ASB3: variants seen among roughly 807,000 people sequenced by gnomAD.
ASB3 encodes ankyrin repeat and SOCS box protein 3.
In ASB3, 41 loss-of-function variants were observed where a neutral mutation model predicts 54.5. The observed-to-expected ratio is 0.75, with a 90% CI of 0.59 to 0.98. The LOEUF is 0.98. Ranked by LOEUF, ASB3 falls within the 50% of genes least tolerant of loss-of-function variation. The pLI is 0.00. For missense variants in ASB3, 733 were observed against 620.0 expected (o/e 1.18, Z -1.94); for synonymous variants, 266 against 221.2 (o/e 1.20, Z -1.80).
chr2:53,729,324 G>T, intron 4 of ASB3, 134 bp downstream of exon 4: 1 of 764,992 alleles, frequency 1.3e-6, no homozygotes. Flanking sequence ...TTAGCATTTA[G>T]ACTGCCTTTT....
At chr2:53,735,636 GA>G (rs201636132) in intron 3 of ASB3, among the ~76,000 whole-genome samples, 1,630 of 140,674 alleles carry the variant, frequency 0.012, 29 homozygotes, top group African/African-American at 0.04. Flanking sequence ...TTAATAGTTG[GA>G]AAAAAAAAAA....
intron 8 of ASB3, among the ~76,000 whole-genome samples, chr2:53,697,407 T>G (rs1669243372): frequency 6.6e-6 from 1 of 152,206 alleles, no homozygotes; most frequent in South Asian, 2.1e-4. Context: ...AGCCATTCTT[T>G]TGTTCCCTTA....
intron 7 of ASB3, among the ~76,000 whole-genome samples, chr2:53,711,823 T>C (rs1670114768): frequency 6.6e-6 from 1 of 152,134 alleles, no homozygotes; most frequent in Non-Finnish European, 1.5e-5. Context: ...GTGGGTCACT[T>C]CACCAAGTTA....
At chr2:53,690,395 G>C (rs1205672288) in intron 9 of ASB3, among the ~76,000 whole-genome samples, 1 of 152,126 alleles carries the variant, frequency 6.6e-6, no homozygotes, top group African/African-American at 2.4e-5. Context: ...AGAAGTCTAG[G>C]TACCTGAACC....
intron 2 of ASB3, among the ~76,000 whole-genome samples, chr2:53,762,602 A>C (rs746615164): frequency 1.3e-5 from 2 of 152,220 alleles, no homozygotes; most frequent in Admixed American, 6.5e-5. Context: ...CTTAATAATT[A>C]TAAGATTTTT....
intron 7 of ASB3, among the ~76,000 whole-genome samples, chr2:53,701,230 C>G (rs1346036126): frequency 6.6e-6 from 1 of 152,070 alleles, no homozygotes. Flanking sequence ...CCGCTTTGGT[C>G]TCCCAAAAGG....
At chr2:53,730,994 A>T (rs932782202) in intron 3 of ASB3, among the ~76,000 whole-genome samples, 1 of 152,196 alleles carries the variant, frequency 6.6e-6, no homozygotes, top group South Asian at 2.1e-4. Context: ...ACAAGAAATG[A>T]TAAGCGTGCT....
At chr2:53,749,143 G>A (rs1156894317) in intron 3 of ASB3, among the ~76,000 whole-genome samples, 2 of 151,826 alleles carry the variant, frequency 1.3e-5, no homozygotes, top group Non-Finnish European at 2.9e-5. Context: ...AAAACAAAAC[G>A]TCTAAATACA....
At chr2:53,768,353 A>C (rs1159275764) in intron 1 of ASB3, 1 of 227,956 alleles carries the variant, frequency 4.4e-6, no homozygotes, top group Non-Finnish European at 8.5e-6. Flanking sequence ...AAAAAGTCCC[A>C]TTGGCGGGAA....
At position 53,778,957 on chromosome 2, in the gene ASB3, T is replaced by C. The variant is rs531565528; in HGVS notation, c.-14+7864A>G. On this transcript the variant is annotated intron_variant, in intron 1 of 9. Coordinates refer to ENST00000263634, the MANE Select transcript of ASB3 (RefSeq NM_016115.5). ...TTCTATTTTTAGTTTTTTGAGGAAC[T>C]GCCACTGTTTTCCATAACGGTTGTA... is the stretch of plus-strand genomic sequence containing the variant. Among the ~76,000 whole-genome samples, 6 of 152,352 alleles carry C rather than the reference T, an allele frequency of 3.9e-5. No homozygotes were observed. The East Asian group carries it at 1.2e-3, about 29-fold the overall frequency.
At chr2:53,731,290 T>C (rs1171172862) in intron 3 of ASB3, among the ~76,000 whole-genome samples, 1 of 152,128 alleles carries the variant, frequency 6.6e-6, no homozygotes, top group East Asian at 1.9e-4. Flanking sequence ...TAATCCTAGC[T>C]ACTTGAGAGG....
At chr2:53,680,066 CATG>C (rs1351040235) in intron 9 of ASB3, among the ~76,000 whole-genome samples, 1 of 152,194 alleles carries the variant, frequency 6.6e-6, no homozygotes, top group Non-Finnish European at 1.5e-5. Context: ...CTGCAAAGGA[CATG>C]ATTTCATTCT....
chr2:53,702,987 A>G (rs887376430), intron 7 of ASB3, among the ~76,000 whole-genome samples: 1 of 152,224 alleles, frequency 6.6e-6, no homozygotes, highest in African/African-American at 2.4e-5. Context: ...ATGTGCCCAC[A>G]CGATATGGTG....
chr2:53,730,805 T>A (rs141266123), intron 3 of ASB3, among the ~76,000 whole-genome samples: 103 of 151,802 alleles, frequency 6.8e-4, no homozygotes, highest in African/African-American at 2.5e-3. Flanking sequence ...AAGAATAAGA[T>A]TTTTTTTTCA....
At chr2:53,772,836 A>G (rs940733703) in intron 1 of ASB3, among the ~76,000 whole-genome samples, 1 of 152,182 alleles carries the variant, frequency 6.6e-6, no homozygotes, top group Non-Finnish European at 1.5e-5. Flanking sequence ...AGTATCAATT[A>G]GTTATTTTTC....
chr2:53,767,635 C>T (rs1035076672), intron 1 of ASB3: 67 of 493,794 alleles, frequency 1.4e-4, no homozygotes, highest in Middle Eastern at 5.6e-4. Context: ...ACGGATGCTG[C>T]AAAAGAATCC....
intron 5 of ASB3, among the ~76,000 whole-genome samples, chr2:53,718,773 A>G (rs60972886): frequency 0.057 from 8,719 of 152,050 alleles, 480 homozygotes; most frequent in East Asian, 0.28. Flanking sequence ...TAAAAAAAAA[A>G]AAAGAAAGAA....
At chr2:53,714,977 T>C (rs185749530) in intron 6 of ASB3, among the ~76,000 whole-genome samples, 1 of 152,218 alleles carries the variant, frequency 6.6e-6, no homozygotes, top group East Asian at 1.9e-4. Flanking sequence ...ATCAAGAAAA[T>C]GCACTATTTT....
At chr2:53,744,731 TATGA>T (rs1175414398) in intron 3 of ASB3, among the ~76,000 whole-genome samples, 1 of 152,208 alleles carries the variant, frequency 6.6e-6, no homozygotes, top group Non-Finnish European at 1.5e-5. Flanking sequence ...AAAATAGCCT[TATGA>T]ATGATCACTT....
Sources: gnomAD v4.1 joint callset for allele counts (sites outside exome capture counted in the v4.1 genomes callset) on GRCh38, gnomAD v4.1.1 for gene constraint, MANE v1.5 for transcripts, NCBI Gene and HGNC (gene_info 2026-07-23, HGNC 2026-07-21) for gene names.